The following UBAP1 variants were observed in gnomAD, a reference collection of about 807,000 sequenced individuals.
UBAP1 encodes ubiquitin associated protein 1.
Under a neutral mutation model 39.0 loss-of-function variants are expected in UBAP1, and 5 were observed. The observed-to-expected ratio is 0.13, with a 90% CI of 0.07 to 0.27. The LOEUF (loss-of-function observed/expected upper bound fraction) is 0.27, where lower values mean the gene tolerates loss of function less well. Among genes scored for constraint, UBAP1 ranks in the 10% least tolerant of loss-of-function variants. The pLI, the probability that UBAP1 is intolerant of heterozygous loss-of-function variation, is 1.00. For missense variants in UBAP1, 490 were observed against 608.1 expected, an observed-to-expected ratio of 0.81 and a Z score of 2.04; for synonymous variants, 211 against 225.1, an observed-to-expected ratio of 0.94 and a Z score of 0.56.
chr9:34,186,753 T>C (rs1172093151), intron 1 of UBAP1, among the ~76,000 whole-genome samples: 1 of 152,116 alleles, frequency 6.6e-6, no homozygotes, highest in Non-Finnish European at 1.5e-5. Flanking sequence ...TTCTGGATAC[T>C]AATTATTTGT....
chr9:34,200,156 T>G (rs955398896), intron 1 of UBAP1, among the ~76,000 whole-genome samples: 3 of 152,188 alleles, frequency 2.0e-5, no homozygotes, highest in Non-Finnish European at 4.4e-5. Context: ...AGACTGGGCT[T>G]GTGGATTTTT....
chr9:34,250,879 T>C (rs1354804250), intron 6 of UBAP1, 120 bp downstream of exon 6: 1 of 808,634 alleles, frequency 1.2e-6, no homozygotes, highest in South Asian at 1.4e-5. Context: ...CAGGTACAAG[T>C]ATTTGAAGGG....
chr9:34,193,365 T>G (rs899803940), intron 1 of UBAP1, among the ~76,000 whole-genome samples: 2 of 152,064 alleles, frequency 1.3e-5, no homozygotes, highest in Admixed American at 1.3e-4. Flanking sequence ...AACCACGTTC[T>G]TCCTCTACTC....
chr9:34,242,269 C>T (rs566503145), intron 4 of UBAP1, among the ~76,000 whole-genome samples, 161 bp downstream of exon 4: 3 of 151,780 alleles, frequency 2.0e-5, no homozygotes, highest in Non-Finnish European at 4.4e-5. Flanking sequence ...CTCGACCTCC[C>T]GGGCTCAAGC....
chr9:34,250,798 G>C (rs1380161762), intron 6 of UBAP1, 39 bp downstream of exon 6: 3 of 1,560,606 alleles, frequency 1.9e-6, no homozygotes, highest in Non-Finnish European at 2.6e-6. Context: ...CTCTGGAAAA[G>C]GAGGGACCAA....
chr9:34,226,478 C>T (rs1362209474), intron 2 of UBAP1, among the ~76,000 whole-genome samples: 1 of 152,124 alleles, frequency 6.6e-6, no homozygotes, highest in African/African-American at 2.4e-5. Flanking sequence ...CTCAGGTGAT[C>T]CACCTGCGTC....
At chr9:34,191,251 G>A (rs1462904971) in intron 1 of UBAP1, among the ~76,000 whole-genome samples, 1 of 152,114 alleles carries the variant, frequency 6.6e-6, no homozygotes, top group African/African-American at 2.4e-5. Context: ...AGTAGCTCTG[G>A]TGTGGGCTTG....
chr9:34,182,125 G>A (rs1384564864), intron 1 of UBAP1, among the ~76,000 whole-genome samples: 1 of 149,766 alleles, frequency 6.7e-6, no homozygotes, highest in African/African-American at 2.5e-5. Flanking sequence ...ATTATTTGGT[G>A]TATCTTTTAA....
intron 2 of UBAP1, among the ~76,000 whole-genome samples, chr9:34,222,113 C>T (rs1022462640): frequency 1.3e-5 from 2 of 151,770 alleles, no homozygotes; most frequent in African/African-American, 4.8e-5. Context: ...CAGAGTGAGA[C>T]CCTGACTCAA....
At chr9:34,239,384 T>C (rs551752446) in intron 3 of UBAP1, among the ~76,000 whole-genome samples, 1 of 152,354 alleles carries the variant, frequency 6.6e-6, no homozygotes, top group South Asian at 2.1e-4. Flanking sequence ...TGTAGTGTTG[T>C]ATCTGGTCCC....
rs1190140711 is a variant in UBAP1, at chr9:34,249,854, A to G, written c.1159A>G (p.Met387Val). The change falls in exon 5 of 7, where the codon ATG becomes GTG. Residue 387 changes from methionine to valine, a missense_variant. This residue lies in a region of UBAP1 where 339 missense variants were observed against 390.0 expected (regional missense o/e 0.87). Transcript: ENST00000297661. ...SCPQAYSELQ[M>V]LSPSERQCVE... ...TCCCCAGGCCTATTCTGAACTGCAG[A>G]TGCTGTCCCCCAGCGAGCGGCAGTG... is the stretch of plus-strand genomic sequence containing the variant. 3 of 1,614,214 alleles carry G rather than the reference A, an allele frequency of 1.9e-6. No homozygotes were observed. The highest frequency in any genetic ancestry group is 2.5e-6 in the Non-Finnish European group (3 of 1,180,040).
chr9:34,227,873 C>T (rs910532620), intron 2 of UBAP1, among the ~76,000 whole-genome samples: 5 of 152,154 alleles, frequency 3.3e-5, no homozygotes, highest in East Asian at 1.9e-4. Flanking sequence ...TAAAAATGGA[C>T]AATTCCACTT....
rs187422557 is a variant in UBAP1 at position 34,212,088 on chromosome 9, C to G, written c.-7-8820C>G. The G allele has an allele frequency of 6.5e-4, 228 of 350,722 alleles. 2 individuals carry two copies. Among genetic ancestry groups the G allele is most frequent in the African/African-American group, 4.3e-3 (198 of 46,322 alleles). 21.7% of individuals were successfully genotyped at this position (350,722 alleles called of 1,614,324 possible). On this transcript the variant is annotated intron_variant, in intron 1 of 6. Transcript: ENST00000297661. The stretch of plus-strand genomic sequence containing the variant: ...TTGTTATTTTTGATTGATACTTTCC[C>G]TTTAATAGAAGCATATACTTATTTT...
intron 4 of UBAP1, among the ~76,000 whole-genome samples, chr9:34,242,699 A>T (rs4008756): frequency 0.36 from 53,943 of 151,554 alleles, 10,792 homozygotes; most frequent in East Asian, 0.89. Context: ...TAATTTTTGT[A>T]TTTTTAGTAG....
intron 1 of UBAP1, among the ~76,000 whole-genome samples, chr9:34,203,928 C>G (rs886827713): frequency 6.6e-6 from 1 of 152,242 alleles, no homozygotes; most frequent in Admixed American, 6.5e-5. Flanking sequence ...ATACAATCCA[C>G]TGAGTTTGAA....
At chr9:34,204,486 A>T (rs1831577358) in intron 1 of UBAP1, among the ~76,000 whole-genome samples, 1 of 152,030 alleles carries the variant, frequency 6.6e-6, no homozygotes. Flanking sequence ...TTTTGAAGAA[A>T]ACACCCGTTT....
At chr9:34,230,349 C>G (rs1833344100) in intron 2 of UBAP1, among the ~76,000 whole-genome samples, 1 of 152,216 alleles carries the variant, frequency 6.6e-6, no homozygotes, top group Non-Finnish European at 1.5e-5. Flanking sequence ...CAGGCGTGAG[C>G]TGCCGCACCT....
chr9:34,218,250 CAAAAAAAAAA>C (rs758443973), intron 1 of UBAP1, among the ~76,000 whole-genome samples: 3 of 49,524 alleles, frequency 6.1e-5, no homozygotes, highest in Admixed American at 3.0e-4. Flanking sequence ...GACTCCATCT[CAAAAAAAAAA>C]AAAAAAAAAA....
In UBAP1 at chr9:34,241,649, G is replaced by A. The variant is rs1227132283; in HGVS notation, c.624G>A (p.Val208=). 5 of 1,613,952 alleles carry A rather than the reference G, an allele frequency of 3.1e-6. No homozygotes were observed. Among genetic ancestry groups the A allele is most frequent in the East Asian group, 2.2e-5 (1 of 44,886 alleles). Residue 208 remains valine (V), a synonymous_variant, in exon 4 of 7, where the codon GTG becomes GTA. Coordinates refer to ENST00000297661, the MANE Select transcript of UBAP1 (RefSeq NM_016525.5). ...TGCCCAGGGGAGGCTCTGGGTCTGT[G>A]TTACAGGATGAGGAGGTCCTGGCAT... The part of the protein sequence containing the change: ...NNLPRGGSGS[V]LQDEEVLASL...
Sources: gnomAD v4.1 joint callset for allele counts (sites outside exome capture counted in the v4.1 genomes callset) on GRCh38, gnomAD v4.1.1 for gene constraint, gnomAD v4.1.1 regional missense constraint, MANE v1.5 for transcripts, NCBI Gene and HGNC (gene_info 2026-07-23, HGNC 2026-07-21) for gene names.